INSYN2B: variants seen among roughly 807,000 people sequenced by gnomAD.
The protein encoded by INSYN2B is protein INSYN2B.
Under a neutral mutation model 41.2 loss-of-function variants are expected in INSYN2B, and 16 were observed. The observed-to-expected ratio is 0.39, with a 90% CI of 0.26 to 0.59. The LOEUF (loss-of-function observed/expected upper bound fraction) is 0.59, where lower values mean the gene tolerates loss of function less well. Among genes scored for constraint, INSYN2B ranks in the 20% least tolerant of loss-of-function variants. The probability of loss-of-function intolerance (pLI) is 0.57; values close to 1 mark genes in which losing one functional copy is unlikely to be tolerated. For synonymous variants in INSYN2B, 245 were observed against 244.4 expected (o/e 1.00, Z -0.02); for missense variants, 608 against 646.4 (o/e 0.94, Z 0.64).
At chr5:169,870,719 C>T (rs1007530993) in intron 3 of INSYN2B, among the ~76,000 whole-genome samples, 3 of 152,028 alleles carry the variant, frequency 2.0e-5, no homozygotes, top group African/African-American at 7.2e-5. Flanking sequence ...CATCATTTAG[C>T]ATTAGGTCTG....
chr5:169,975,573 A>G (rs11134601), intron 1 of INSYN2B, among the ~76,000 whole-genome samples: 34,643 of 151,858 alleles, frequency 0.23, 4,715 homozygotes, highest in East Asian at 0.42. Flanking sequence ...CTTTGCATCT[A>G]CTGTTCTGCC....
chr5:169,956,914 T>C lies in INSYN2B; in HGVS notation c.-919+23363A>G, dbSNP rs80306654. Among the ~76,000 whole-genome samples the C allele has an allele frequency of 1.0e-2, 1,517 of 152,302 alleles. 76 individuals carry two copies. In the East Asian group the frequency reaches 0.14, roughly 14 times the overall value. On this transcript the variant is annotated intron_variant, in intron 1 of 3. Transcript: ENST00000377365. ...TGTATTGGCCAACATGCCTGGTTTCTGTCCCTGGAGGGCCTGCAGAGCCAG... is the reference window on the plus strand; with the variant it reads ...TGTATTGGCCAACATGCCTGGTTTCCGTCCCTGGAGGGCCTGCAGAGCCAG...
At position 169,972,909 on chromosome 5, in the gene INSYN2B, C is replaced by G. The variant is rs80214738; in HGVS notation, c.-919+7368G>C. ...GGGCCACCTCCAAGCAACCACCCCC[C>G]TCCCCAATAAGCTGTTAGCAGATCC... On this transcript the variant is annotated intron_variant, in intron 1 of 3. Coordinates refer to ENST00000377365, the MANE Select transcript of INSYN2B (RefSeq NM_001129891.3). Among the ~76,000 whole-genome samples, 766 of 152,262 alleles carry G rather than the reference C, an allele frequency of 5.0e-3. 44 individuals carry two copies. In the East Asian group the frequency reaches 0.13, roughly 25 times the overall value.
chr5:169,971,655 G>A (rs1777513514), intron 1 of INSYN2B, among the ~76,000 whole-genome samples: 1 of 152,154 alleles, frequency 6.6e-6, no homozygotes, highest in African/African-American at 2.4e-5. Flanking sequence ...TCCCTTTATA[G>A]AAATGAAGAG....
intron 1 of INSYN2B, among the ~76,000 whole-genome samples, chr5:169,954,023 T>G (rs1776768809): frequency 1.3e-5 from 2 of 152,360 alleles, no homozygotes; most frequent in African/African-American, 4.8e-5. Flanking sequence ...TATTCTATAC[T>G]CTGGTTCTAG....
chr5:169,900,265 A>G (rs140165040), intron 1 of INSYN2B, among the ~76,000 whole-genome samples: 1 of 152,054 alleles, frequency 6.6e-6, no homozygotes, highest in Admixed American at 6.6e-5. Flanking sequence ...CCTTTAGACA[A>G]CCCTAACCTG....
rs1771380541 is a variant in INSYN2B, at chr5:169,864,109, G to A, written c.*164C>T. 6.6e-6 allele frequency among the ~76,000 whole-genome samples: 1 copy of A among 152,196 alleles called. No individual in the cohort carries two copies. The highest frequency in any genetic ancestry group is 1.5e-5 in the Non-Finnish European group (1 of 68,038). On this transcript the variant is annotated 3_prime_UTR_variant, in exon 4 of 4. Coordinates refer to ENST00000377365, the MANE Select transcript of INSYN2B (RefSeq NM_001129891.3). The stretch of plus-strand genomic sequence containing the variant: ...ACTCAGGTAAGGATCGTGGTCAGGT[G>A]TCCAGCAGCGGCTACATCAGCTCCA...
rs59287791 is a variant in INSYN2B at position 169,912,621 on chromosome 5, A to ATGTGTG, written c.-918-27811_-918-27806dup. Among the ~76,000 whole-genome samples the ATGTGTG allele has an allele frequency of 5.5e-3, 830 of 150,532 alleles. 4 individuals carry two copies. Among genetic ancestry groups the ATGTGTG allele is most frequent in the Non-Finnish European group, 6.9e-3 (464 of 67,558 alleles). ...TGTGCCACTGTGTGTGGTGGAGTGT[A>ATGTGTG]TGTGTGTGTGTGTGTGTGTGAGATG... On this transcript the variant is annotated intron_variant, in intron 1 of 3. Coordinates refer to ENST00000377365, the MANE Select transcript of INSYN2B (RefSeq NM_001129891.3).
chr5:169,929,516 T>A (rs1326625183), intron 1 of INSYN2B, among the ~76,000 whole-genome samples: 1 of 151,984 alleles, frequency 6.6e-6, no homozygotes, highest in African/African-American at 2.4e-5. Context: ...GGGGGAGGAT[T>A]GCTTGAGCCC....
intron 1 of INSYN2B, among the ~76,000 whole-genome samples, chr5:169,904,278 G>A (rs980764613): frequency 6.6e-6 from 1 of 152,038 alleles, no homozygotes; most frequent in African/African-American, 2.4e-5. Context: ...AGCAAGGAGG[G>A]CTTTCCCCTC....
At chr5:169,943,543 T>C (rs564898106) in intron 1 of INSYN2B, among the ~76,000 whole-genome samples, 1 of 152,296 alleles carries the variant, frequency 6.6e-6, no homozygotes, top group East Asian at 1.9e-4. Flanking sequence ...CCCACGTTGA[T>C]GGAGAGTTGC....
At chr5:169,940,407 C>T (rs1175517514) in intron 1 of INSYN2B, among the ~76,000 whole-genome samples, 1 of 152,208 alleles carries the variant, frequency 6.6e-6, no homozygotes, top group South Asian at 2.1e-4. Context: ...GGACCAGTTT[C>T]GTGGAAGACA....
intron 1 of INSYN2B, among the ~76,000 whole-genome samples, chr5:169,937,085 C>G (rs970206381): frequency 2.6e-5 from 4 of 152,160 alleles, no homozygotes; most frequent in Admixed American, 6.5e-5. Context: ...GTAGGTGACT[C>G]CTTCAACAAA....
At chr5:169,891,478 A>T (rs972478542) in intron 1 of INSYN2B, among the ~76,000 whole-genome samples, 4 of 152,220 alleles carry the variant, frequency 2.6e-5, no homozygotes, top group Non-Finnish European at 4.4e-5. Flanking sequence ...GATTTTCAAA[A>T]TTCCCTTAGC....
chr5:169,886,505 A>G (rs1381779789), intron 1 of INSYN2B, among the ~76,000 whole-genome samples: 1 of 152,194 alleles, frequency 6.6e-6, no homozygotes, highest in East Asian at 1.9e-4. Flanking sequence ...CTGGATACCT[A>G]TGATAATGGG....
chr5:169,955,655 C>A (rs988640165), intron 1 of INSYN2B, among the ~76,000 whole-genome samples: 4 of 152,150 alleles, frequency 2.6e-5, no homozygotes, highest in Admixed American at 2.6e-4. Flanking sequence ...AGAAGGCAGG[C>A]AAACCTGGTT....
At chr5:169,956,187 G>A (rs1370799553) in intron 1 of INSYN2B, among the ~76,000 whole-genome samples, 1 of 152,218 alleles carries the variant, frequency 6.6e-6, no homozygotes, top group Non-Finnish European at 1.5e-5. Flanking sequence ...AAACTTGATG[G>A]TCTCTAAGAT....
In INSYN2B at chr5:169,923,306, C is replaced by T. The variant is rs1775274041; in HGVS notation, c.-918-38490G>A. On this transcript the variant is annotated intron_variant, in intron 1 of 3. Transcript: ENST00000377365. ...AATGGTTTTTACTTTTTTCTTTGTA[C>T]TTTCATATATTTCCTAAATTTCCTA... Among the ~76,000 whole-genome samples, 5 of 152,170 alleles carry T rather than the reference C, an allele frequency of 3.3e-5. No homozygotes were observed. In the South Asian group the frequency reaches 1.0e-3, roughly 32 times the overall value.
chr5:169,964,910 C>A (rs924732756), intron 1 of INSYN2B, among the ~76,000 whole-genome samples: 4 of 152,248 alleles, frequency 2.6e-5, no homozygotes, highest in African/African-American at 7.2e-5. Context: ...AAAGGTGAGT[C>A]TCCGTCGCTC....
Sources: allele counts gnomAD v4.1 joint callset (sites outside exome capture counted in the v4.1 genomes callset), GRCh38; gene constraint gnomAD v4.1.1; transcripts MANE v1.5; gene names NCBI Gene and HGNC (gene_info 2026-07-23, HGNC 2026-07-21).